PBX4: variants seen among roughly 807,000 people sequenced by gnomAD.
PBX4 encodes pre-B-cell leukemia transcription factor 4.
PBX4 carries 26 observed loss-of-function variants against 35.1 expected under a neutral mutation model. The ratio of observed to expected loss-of-function variants is 0.74; its 90% CI spans 0.54 to 1.03. The LOEUF is 1.03. PBX4 is among the 50% of genes least tolerant of loss of function. The pLI is 0.00. For synonymous variants in PBX4, 199 were observed against 204.2 expected (o/e 0.97, Z 0.22); for missense variants, 448 against 504.3 (o/e 0.89, Z 1.07).
At chr19:19,576,231 A>AAT (rs2061418781) in intron 2 of PBX4, among the ~76,000 whole-genome samples, 1 of 150,866 alleles carries the variant, frequency 6.6e-6, no homozygotes, top group Admixed American at 6.6e-5. Flanking sequence ...TTCTAAAAAA[A>AAT]TTTTTTTTTT....
At chr19:19,588,047 A>G in intron 2 of PBX4, 2 of 646,588 alleles carry the variant, frequency 3.1e-6, no homozygotes, top group Non-Finnish European at 5.6e-6. Context: ...AAGCTGCAGC[A>G]GCTTGATGTG....
At position 19,562,783 on chromosome 19, in the gene PBX4, G is replaced by A. The variant is rs745402363; in HGVS notation, c.1033-666C>T. Among the ~76,000 whole-genome samples the A allele has an allele frequency of 7.2e-5, 11 of 152,186 alleles. No homozygotes were observed. The highest frequency in any genetic ancestry group is 1.2e-4 in the Non-Finnish European group (8 of 68,024). On this transcript the variant is annotated intron_variant, in intron 7 of 7. Coordinates refer to ENST00000251203, the MANE Select transcript of PBX4 (RefSeq NM_025245.3). This position sits in a 1 kb window ranked among gnomAD's most constrained non-coding sequence, Gnocchi z 4.8. ...GGGGTGGACACACAGCTGCTGGCGCGTAGTCAGGTCCCAGGGGTGCAAAGG... is the reference window on the plus strand; with the variant it reads ...GGGGTGGACACACAGCTGCTGGCGCATAGTCAGGTCCCAGGGGTGCAAAGG...
intron 2 of PBX4, among the ~76,000 whole-genome samples, chr19:19,585,592 G>A (rs1433627752): frequency 6.6e-6 from 1 of 152,178 alleles, no homozygotes; most frequent in East Asian, 1.9e-4. Flanking sequence ...CTTGTGACCT[G>A]CACGTATACA....
intron 2 of PBX4, 77 bp from the exon 3 acceptor site, chr19:19,570,910 G>T (rs2061379113): frequency 6.4e-7 from 1 of 1,554,994 alleles, no homozygotes; most frequent in Non-Finnish European, 8.7e-7. Flanking sequence ...GTGAGCACTG[G>T]TGTTATGTCT....
At chr19:19,600,173 A>C (rs940202826) in intron 1 of PBX4, among the ~76,000 whole-genome samples, 2 of 151,998 alleles carry the variant, frequency 1.3e-5, no homozygotes, top group Admixed American at 6.6e-5. Flanking sequence ...GTAAAGCAAT[A>C]TACAAATATT....
chr19:19,613,390 C>T (rs2061672908), intron 1 of PBX4, among the ~76,000 whole-genome samples: 1 of 148,468 alleles, frequency 6.7e-6, no homozygotes, highest in African/African-American at 2.5e-5. Flanking sequence ...ATCTCTTGAA[C>T]CCAGGAGGCA....
At chr19:19,614,986 C>G (rs965791849) in intron 1 of PBX4, among the ~76,000 whole-genome samples, 4 of 151,452 alleles carry the variant, frequency 2.6e-5, no homozygotes, top group African/African-American at 9.7e-5. Context: ...ACGGTGAAAC[C>G]CTGTCTCTAC....
chr19:19,617,184 C>A (rs1215480713), intron 1 of PBX4, among the ~76,000 whole-genome samples: 2 of 151,894 alleles, frequency 1.3e-5, no homozygotes, highest in Non-Finnish European at 2.9e-5. Context: ...TTATTTTTTT[C>A]TTTTCTCAGA....
In PBX4 at chr19:19,570,719, C is replaced by T. The variant is rs769381097; in HGVS notation, c.308G>A (p.Gly103Glu). 2.9e-5 allele frequency: 47 copies of T among 1,614,046 alleles called. No individual in the cohort carries two copies. Among genetic ancestry groups the T allele is most frequent in the Non-Finnish European group, 3.8e-5 (45 of 1,180,042 alleles). Residue 103 changes from glycine to glutamate, a missense_variant, in exon 3 of 8, where the codon GGA (glycine) becomes GAA (glutamate). Gly to Glu is a moderately conservative substitution (Grantham distance 98, BLOSUM62 -2). Transcript: ENST00000251203. ...VCRPEKRGRG[G>E]AVARAGTATP... ...TGCTGTGCCGGCCCTGGCCACCGCT[C>T]CTCCTCTTCCTCTCTTCTCGGGCCT...
intron 2 of PBX4, among the ~76,000 whole-genome samples, chr19:19,577,745 A>C (rs929395052): frequency 3.3e-5 from 5 of 151,720 alleles, no homozygotes; most frequent in African/African-American, 9.7e-5. Context: ...TGTAGTCCCC[A>C]CTACTTGGGA....
At chr19:19,569,825 G>T (rs1466612871) in intron 4 of PBX4, among the ~76,000 whole-genome samples, 1 of 152,178 alleles carries the variant, frequency 6.6e-6, no homozygotes, top group Non-Finnish European at 1.5e-5. Context: ...CAGTAGAATC[G>T]CTTGAACCTG....
intron 2 of PBX4, among the ~76,000 whole-genome samples, chr19:19,593,331 C>T (rs940041838): frequency 2.6e-5 from 4 of 152,150 alleles, no homozygotes; most frequent in Non-Finnish European, 5.9e-5. Flanking sequence ...GCCAGGACCC[C>T]GGCTCATGGG....
intron 2 of PBX4, chr19:19,588,092 C>T (rs1038144144): frequency 4.5e-6 from 4 of 897,834 alleles, no homozygotes; most frequent in Non-Finnish European, 7.2e-6. Flanking sequence ...TTACCAATCA[C>T]CTCTTCTTGA....
chr19:19,604,560 T>A (rs1461113138), intron 1 of PBX4, among the ~76,000 whole-genome samples: 2 of 34,368 alleles, frequency 5.8e-5, no homozygotes, highest in East Asian at 7.8e-4. Context: ...AGATGACATA[T>A]GAACTTCCCA....
chr19:19,617,830 C>T (rs927340503), intron 1 of PBX4, among the ~76,000 whole-genome samples: 6 of 152,278 alleles, frequency 3.9e-5, no homozygotes, highest in Middle Eastern at 3.4e-3. Context: ...ATTCCTGAGT[C>T]CCATTCCCAG....
At chr19:19,603,686 G>C (rs2144778618) in intron 1 of PBX4, among the ~76,000 whole-genome samples, 1 of 152,344 alleles carries the variant, frequency 6.6e-6, no homozygotes, top group South Asian at 2.1e-4. Context: ...GCCAGGCGCA[G>C]TGGCTCACGC....
At chr19:19,574,760 G>A (rs557756030) in intron 2 of PBX4, among the ~76,000 whole-genome samples, 18 of 151,664 alleles carry the variant, frequency 1.2e-4, no homozygotes, top group Non-Finnish European at 2.4e-4. Context: ...TCAGCCTCCC[G>A]AGTAGCTGGG....
At chr19:19,573,101 T>C (rs1007226000) in intron 2 of PBX4, among the ~76,000 whole-genome samples, 2 of 151,670 alleles carry the variant, frequency 1.3e-5, no homozygotes, top group African/African-American at 4.8e-5. Context: ...AGGTCAGGGG[T>C]TCGAGACCAG....
chr19:19,581,998 G>A (rs2061457432), intron 2 of PBX4, among the ~76,000 whole-genome samples: 1 of 152,132 alleles, frequency 6.6e-6, no homozygotes, highest in Non-Finnish European at 1.5e-5. Context: ...GAAGGACATC[G>A]TGGGGTGGCC....
Sources: allele counts gnomAD v4.1 joint callset (sites outside exome capture counted in the v4.1 genomes callset), GRCh38; gene constraint gnomAD v4.1.1; non-coding constraint Gnocchi (gnomAD v3.1); transcripts MANE v1.5; gene names NCBI Gene and HGNC (gene_info 2026-07-23, HGNC 2026-07-21).